Variants in BTBD16 observed in about 807,000 individuals in gnomAD.
The protein encoded by BTBD16 is BTB domain containing 16.
BTBD16 carries 66 observed loss-of-function variants against 67.4 expected under a neutral mutation model. That is an observed-to-expected ratio of 0.98 (90% CI 0.80 to 1.20). The LOEUF is 1.20. BTBD16 is among the 50% of genes most tolerant of loss of function. The pLI, the probability that BTBD16 is intolerant of heterozygous loss-of-function variation, is 0.00. For synonymous variants in BTBD16, 242 were observed against 236.4 expected (o/e 1.02, Z -0.22); for missense variants, 634 against 616.0 (o/e 1.03, Z -0.31).
intron 3 of BTBD16, among the ~76,000 whole-genome samples, chr10:122,279,546 AT>A (rs2096348142): frequency 6.6e-6 from 1 of 150,562 alleles, no homozygotes; most frequent in African/African-American, 2.5e-5. Flanking sequence ...ACACACACAC[AT>A]CTTTTCTTTG....
Position 122,283,840 on chromosome 10 carries a change from T to C in BTBD16, c.168-11T>C, listed in dbSNP as rs1479437559. 2.5e-6 allele frequency: 4 copies of C among 1,610,808 alleles called. No individual in the cohort carries two copies. The South Asian group carries it at 4.4e-5, about 18-fold the overall frequency. On this transcript the variant is annotated splice_polypyrimidine_tract_variant and intron_variant, in intron 3 of 15. Transcript: ENST00000260723. ...TAACTCCTGGATTTTATATTTGCATTTTCCCTTGAGGTTATGCATTTCACA... is the reference window on the plus strand; with the variant it reads ...TAACTCCTGGATTTTATATTTGCATCTTCCCTTGAGGTTATGCATTTCACA...
chr10:122,309,358 T>G (rs1351738496), intron 10 of BTBD16, among the ~76,000 whole-genome samples: 5 of 151,820 alleles, frequency 3.3e-5, no homozygotes, highest in African/African-American at 4.8e-5. Context: ...TTTTGTTTTT[T>G]TTTTTGAGAA....
chr10:122,287,428 G>C, intron 5 of BTBD16: 13 of 985,406 alleles, frequency 1.3e-5, no homozygotes, highest in Non-Finnish European at 1.6e-5. Flanking sequence ...ATTTAGCCCT[G>C]CTAAGACAGC....
In BTBD16 at chr10:122,336,529, G is replaced by A. The variant is rs1339630817; in HGVS notation, c.1299G>A (p.Ala433=). ...IKHTDLESPS[A]VYEHNHVSLR... ...ACACAGACCTGGAATCTCCCTCTGC[G>A]GTCTACGAGCACAACCACGTCAGCC... Residue 433 remains alanine, a synonymous_variant, in exon 15 of 16, where the codon GCG becomes GCA. Coordinates refer to ENST00000260723, the MANE Select transcript of BTBD16 (RefSeq NM_144587.5). 5.0e-6 allele frequency: 8 copies of A among 1,611,396 alleles called. No homozygotes were observed. The highest frequency in any genetic ancestry group is 1.7e-4 in the Middle Eastern group (1 of 6,052).
At chr10:122,297,154 T>G (rs2096384814) in intron 7 of BTBD16, among the ~76,000 whole-genome samples, 1 of 152,242 alleles carries the variant, frequency 6.6e-6, no homozygotes, top group Admixed American at 6.5e-5. Flanking sequence ...CCAAATGTGG[T>G]TATCTGTCTG....
chr10:122,280,957 A>G (rs927320206), intron 3 of BTBD16, among the ~76,000 whole-genome samples: 13 of 152,010 alleles, frequency 8.6e-5, no homozygotes. Flanking sequence ...AGACATGGCC[A>G]CCACATGCTG....
intron 7 of BTBD16, chr10:122,295,307 G>T (rs1475710297): frequency 2.0e-6 from 2 of 985,310 alleles, no homozygotes; most frequent in Admixed American, 6.1e-5. Flanking sequence ...GCAGTCAAAG[G>T]GGGAGAAAGA....
rs1390808738 is a variant in BTBD16, at chr10:122,329,253, G to A, written c.912-227G>A. 2.0e-5 allele frequency among the ~76,000 whole-genome samples: 3 copies of A among 152,058 alleles called. No individual in the cohort carries two copies. In the South Asian group the frequency reaches 6.2e-4, roughly 32 times the overall value. The stretch of plus-strand genomic sequence containing the variant: ...AGAACTCAGTGGTAGATGCCGAGGG[G>A]ACTATAAGCATTTGTCTCCATTACC... On this transcript the variant is annotated intron_variant, in intron 10 of 15. Coordinates refer to ENST00000260723, the MANE Select transcript of BTBD16 (RefSeq NM_144587.5).
chr10:122,300,733 C>G (rs896105436), intron 9 of BTBD16, among the ~76,000 whole-genome samples: 2 of 152,052 alleles, frequency 1.3e-5, no homozygotes, highest in Non-Finnish European at 2.9e-5. Flanking sequence ...CTTTAGGACT[C>G]TATTTAAAAG....
intron 3 of BTBD16, among the ~76,000 whole-genome samples, chr10:122,279,547 T>A (rs926299092): frequency 1.2e-4 from 5 of 42,538 alleles, no homozygotes; most frequent in Non-Finnish European, 7.4e-5. Flanking sequence ...CACACACACA[T>A]CTTTTCTTTG....
rs1281081719 is a variant in BTBD16 at position 122,338,060 on chromosome 10, T to G, written c.1496T>G (p.Phe499Cys). 1.9e-6 allele frequency: 3 copies of G among 1,610,610 alleles called. No individual in the cohort carries two copies. Among genetic ancestry groups the G allele is most frequent in the Non-Finnish European group, 2.5e-6 (3 of 1,176,920 alleles). The change falls in exon 16 of 16, where the codon TTT (phenylalanine) becomes TGT (cysteine). Residue 499 changes from phenylalanine to cysteine, a missense_variant. By Grantham distance (205) the Phe-to-Cys change is radical. Coordinates refer to ENST00000260723, the MANE Select transcript of BTBD16 (RefSeq NM_144587.5). ...QTVGIPIYVS[F>C]AFIFPAS ...GTGGGCATCCCAATCTATGTAAGTT[T>G]TGCATTCATCTTCCCAGCATCTTGA... is the stretch of plus-strand genomic sequence containing the variant.
chr10:122,302,714 C>A (rs1021352975), intron 9 of BTBD16, among the ~76,000 whole-genome samples: 2 of 152,208 alleles, frequency 1.3e-5, no homozygotes, highest in East Asian at 1.9e-4. Flanking sequence ...CTAACACTAA[C>A]AATACCCACC....
At chr10:122,334,194 CTT>C (rs71301565) in intron 13 of BTBD16, among the ~76,000 whole-genome samples, 12 of 93,132 alleles carry the variant, frequency 1.3e-4, no homozygotes, top group African/African-American at 4.0e-4. Context: ...GTCCTCTTGA[CTT>C]TTTTTTTTTT....
At chr10:122,331,109 T>C in intron 11 of BTBD16, 67 bp from the exon 12 acceptor site, 2 of 1,568,252 alleles carry the variant, frequency 1.3e-6, no homozygotes, top group East Asian at 2.3e-5. Context: ...TTCCTTTCTG[T>C]AAATGAGACT....
chr10:122,276,292 G>A (rs2096340353), intron 2 of BTBD16, among the ~76,000 whole-genome samples: 1 of 152,098 alleles, frequency 6.6e-6, no homozygotes. Context: ...ATTAGGTAGT[G>A]GTATTGGTTG....
intron 4 of BTBD16, among the ~76,000 whole-genome samples, chr10:122,284,673 ATTT>A (rs60823097): frequency 2.0e-4 from 25 of 124,680 alleles, no homozygotes; most frequent in Middle Eastern, 4.5e-3. Context: ...CTTAAAGTGG[ATTT>A]TTTTTTTTTT....
chr10:122,294,461 T>C (rs1490843145), intron 7 of BTBD16, among the ~76,000 whole-genome samples: 1 of 152,268 alleles, frequency 6.6e-6, no homozygotes, highest in Non-Finnish European at 1.5e-5. Flanking sequence ...GACTCTCATG[T>C]CAATATCTTT....
rs2142064765 is a variant in BTBD16, at chr10:122,289,939, C to T, written c.416C>T (p.Ser139Phe). Residue 139 changes from serine (S) to phenylalanine (F), a missense_variant, in exon 6 of 16, where the codon TCC (serine) becomes TTC (phenylalanine). By Grantham distance (155) the Ser-to-Phe change is radical (BLOSUM62 -2). Coordinates refer to ENST00000260723, the MANE Select transcript of BTBD16 (RefSeq NM_144587.5). ...AQSPKKTKEK[S>F]PAKRIIISLK... ...TCACCTAAGAAGACCAAAGAAAAAT[C>T]CCCTGCAAAGAGGATCATCATTTCC... is the stretch of plus-strand genomic sequence containing the variant. The T allele has an allele frequency of 1.2e-6, 2 of 1,613,790 alleles. No individual in the cohort carries two copies. Among genetic ancestry groups the T allele is most frequent in the Non-Finnish European group, 1.7e-6 (2 of 1,179,882 alleles).
At chr10:122,280,554 T>A (rs904650596) in intron 3 of BTBD16, among the ~76,000 whole-genome samples, 1 of 125,884 alleles carries the variant, frequency 7.9e-6, no homozygotes, top group Admixed American at 8.6e-5. Flanking sequence ...GGGACCCCTA[T>A]ATTTTTATAT....
Sources: gnomAD v4.1 joint callset for allele counts (sites outside exome capture counted in the v4.1 genomes callset) on GRCh38, gnomAD v4.1.1 for gene constraint, MANE v1.5 for transcripts, NCBI Gene and HGNC (gene_info 2026-07-23, HGNC 2026-07-21) for gene names.